Variants in SACS observed in about 807,000 individuals in gnomAD.
SACS encodes the protein sacsin molecular chaperone, also known as sacsin.
SACS carries 197 observed loss-of-function variants against 348.0 expected under a neutral mutation model. The ratio of observed to expected loss-of-function variants is 0.57; its 90% CI spans 0.50 to 0.64. SACS has a LOEUF of 0.64. Ranked by LOEUF, SACS falls within the 30% of genes least tolerant of loss-of-function variation. SACS has a pLI of 0.00. For synonymous variants in SACS, 1,985 were observed against 1,910.6 expected (o/e 1.04, Z -1.02); for missense variants, 4,999 against 5,360.8 (o/e 0.93, Z 2.11).
rs779302353 is a variant in SACS, at chr13:23,335,077, A to G, written c.8799T>C (p.Tyr2933=). 5.0e-6 allele frequency: 8 copies of G among 1,613,474 alleles called. No homozygotes were observed. The Admixed American group carries it at 5.0e-5, about 10-fold the overall frequency. Residue 2933 remains tyrosine, a synonymous_variant, in exon 10 of 10, where the codon TAT becomes TAC. Coordinates refer to ENST00000382292, the MANE Select transcript of SACS (RefSeq NM_014363.6). This position sits in a 1 kb window ranked among gnomAD's most constrained non-coding sequence, Gnocchi z 4.7. ...ATAATGTTGGATCAGAACCAGGGAA[A>G]TACCGTTTTTTTAACTGTATTAGCA... The part of the protein sequence containing the change: ...VELLIQLKKR[Y]FPGSDPTLSV...
At position 23,353,845 on chromosome 13, in the gene SACS, T is replaced by C. The variant is rs774647401; in HGVS notation, c.2125A>G (p.Ile709Val). 4.3e-6 allele frequency: 7 copies of C among 1,610,542 alleles called. No homozygotes were observed. In the East Asian group the frequency reaches 1.3e-4, roughly 31 times the overall value. ...SLFPSLEGRF[I>V]LDNLKPHLVA... is the part of the protein sequence containing the mutation. ...AGGTGAGGTTTCAAGTTATCCAAAATAAATCTTCCTTCAAGACTTGGGAAA... is the reference window on the plus strand; with the variant it reads ...AGGTGAGGTTTCAAGTTATCCAAAACAAATCTTCCTTCAAGACTTGGGAAA... Residue 709 changes from isoleucine (I) to valine (V), a missense_variant, in exon 9 of 10, where the codon ATT becomes GTT. By Grantham distance (29) the Ile-to-Val change is conservative. This residue lies in a region of SACS where 3,156 missense variants were observed against 3,380.1 expected (regional missense o/e 0.93). Transcript: ENST00000382292.
intron 9 of SACS, among the ~76,000 whole-genome samples, chr13:23,346,087 C>T (rs2137668176): frequency 6.6e-6 from 1 of 152,266 alleles, no homozygotes; most frequent in South Asian, 2.1e-4. Flanking sequence ...GCTGTGGTCG[C>T]CTAACTTCAC....
chr13:23,425,845 C>G (rs117201681), intron 1 of SACS, among the ~76,000 whole-genome samples: 244 of 152,204 alleles, frequency 1.6e-3, no homozygotes, highest in Admixed American at 2.5e-3. Flanking sequence ...CGCCGGGGGT[C>G]TGTGTGACAA....
At position 23,336,937 on chromosome 13, in the gene SACS, C is replaced by T. The variant is rs746279125; in HGVS notation, c.6939G>A (p.Glu2313=). 1.1e-5 allele frequency: 17 copies of T among 1,613,746 alleles called. No homozygotes were observed. Among genetic ancestry groups the T allele is most frequent in the Non-Finnish European group, 1.4e-5 (16 of 1,179,832 alleles). Residue 2313 remains glutamate, a synonymous_variant, in exon 10 of 10, where the codon GAG becomes GAA. Coordinates refer to ENST00000382292, the MANE Select transcript of SACS (RefSeq NM_014363.6). ...ATTTGTAGCAAGCATTGGTGATATT[C>T]TCCTGGTACAGTGTAATTCCATCAT... ...SVDDGITLYQ[E]NITNACYKYL...
intron 2 of SACS, among the ~76,000 whole-genome samples, chr13:23,410,612 G>T (rs560761555): frequency 3.3e-5 from 5 of 152,136 alleles, no homozygotes; most frequent in Non-Finnish European, 7.4e-5. Flanking sequence ...ATTAATGAAA[G>T]AGTATTTTGT....
chr13:23,391,688 C>T (rs940451631), intron 2 of SACS, among the ~76,000 whole-genome samples: 1 of 152,126 alleles, frequency 6.6e-6, no homozygotes, highest in South Asian at 2.1e-4. Context: ...GTTCCGTTTC[C>T]CCCTTTGCAC....
intron 2 of SACS, among the ~76,000 whole-genome samples, chr13:23,385,162 T>C (rs1283467138): frequency 4.6e-5 from 7 of 151,364 alleles, no homozygotes; most frequent in African/African-American, 1.5e-4. Flanking sequence ...AAAAGTTTTA[T>C]CATGAGATTG....
chr13:23,355,136 C>G lies in SACS; in HGVS notation c.1476G>C (p.Trp492Cys). ...CAACATTCATGACAAGAAACTCATT[C>G]CATAAGGCTGCCGGGTCTCTCCACT... ...LDQWRDPAAL[W>C]NEFLVMNVVP... The change falls in exon 8 of 10, where the codon TGG becomes TGC. Residue 492 changes from tryptophan (W) to cysteine (C), a missense_variant. By Grantham distance (215) the Trp-to-Cys change is radical. Around this residue, in one of 6 missense-constraint regions of SACS, gnomAD observed 3,156 missense variants for 3,380.1 expected, o/e 0.93. Transcript: ENST00000382292. 6.2e-7 allele frequency: 1 copy of G among 1,614,202 alleles called. No homozygotes were observed. The highest frequency in any genetic ancestry group is 8.5e-7 in the Non-Finnish European group (1 of 1,180,044).
rs1566086323 is a variant in SACS, at chr13:23,365,289, A to C, written c.346-12T>G. 6.8e-7 allele frequency: 1 copy of C among 1,460,254 alleles called. No homozygotes were observed. The highest frequency in any genetic ancestry group is 9.5e-7 in the Non-Finnish European group (1 of 1,053,814). The allele number at this position is 1,460,254 out of a possible 1,614,324, so 90.5% of individuals were successfully genotyped here. ...TTCTGAATTAATTCCTAACCAAAAA[A>C]TATACCAAAAAATAGTAATTAATAA... is the stretch of plus-strand genomic sequence containing the variant. On this transcript the variant is annotated splice_polypyrimidine_tract_variant and intron_variant, in intron 5 of 9. Transcript: ENST00000382292.
At chr13:23,430,447 G>A (rs1448574603) in intron 1 of SACS, among the ~76,000 whole-genome samples, 1 of 151,924 alleles carries the variant, frequency 6.6e-6, no homozygotes, top group South Asian at 2.1e-4. Context: ...GATAAACCAC[G>A]AATTATTTTT....
Position 23,423,403 on chromosome 13 carries a change from G to T in SACS, c.-502+10212C>A, listed in dbSNP as rs1593184526. 3.3e-5 allele frequency among the ~76,000 whole-genome samples: 5 copies of T among 152,142 alleles called. No homozygotes were observed. The East Asian group carries it at 9.7e-4, about 30-fold the overall frequency. ...TCCATAGGCTATTAGGCCTATGTATGAATATACAACTATCTATCACTAATA... is the reference window on the plus strand; with the variant it reads ...TCCATAGGCTATTAGGCCTATGTATTAATATACAACTATCTATCACTAATA... On this transcript the variant is annotated intron_variant, in intron 1 of 9. Coordinates refer to ENST00000382292, the MANE Select transcript of SACS (RefSeq NM_014363.6).
At chr13:23,383,128 A>C (rs1314270081) in intron 2 of SACS, among the ~76,000 whole-genome samples, 2 of 152,118 alleles carry the variant, frequency 1.3e-5, no homozygotes, top group East Asian at 3.8e-4. Context: ...TTTGGTTTAA[A>C]TAATCTGAAA....
At chr13:23,359,661 C>G (rs1386576746) in intron 6 of SACS, among the ~76,000 whole-genome samples, 1 of 152,118 alleles carries the variant, frequency 6.6e-6, no homozygotes, top group East Asian at 1.9e-4. Flanking sequence ...ATATATTCAA[C>G]TATATTCACT....
chr13:23,395,567 C>T (rs1872682895), intron 2 of SACS, among the ~76,000 whole-genome samples: 3 of 151,610 alleles, frequency 2.0e-5, no homozygotes, highest in Admixed American at 2.0e-4. Flanking sequence ...ACTTTCCCTT[C>T]CCACTCAAGC....
rs569192459 is a variant in SACS at position 23,392,985 on chromosome 13, C to T, written c.21-17716G>A. 7.9e-5 allele frequency among the ~76,000 whole-genome samples: 12 copies of T among 152,232 alleles called. 1 individual carries two copies. The South Asian group carries it at 1.0e-3, about 13-fold the overall frequency. On this transcript the variant is annotated intron_variant, in intron 2 of 9. Transcript: ENST00000382292. ...CAGAAAACACAATAAGCACAGACATCGGGAGAGGCCATTCACCAACCCTCA... is the reference window on the plus strand; with the variant it reads ...CAGAAAACACAATAAGCACAGACATTGGGAGAGGCCATTCACCAACCCTCA...
intron 2 of SACS, among the ~76,000 whole-genome samples, chr13:23,383,802 C>T (rs1215924185): frequency 2.0e-5 from 3 of 152,204 alleles, no homozygotes; most frequent in African/African-American, 7.2e-5. Context: ...TTCCATATTA[C>T]ACAAACCACA....
At chr13:23,373,559 T>G (rs566857459) in intron 3 of SACS, 21 of 152,664 alleles carry the variant, frequency 1.4e-4, no homozygotes, top group African/African-American at 5.1e-4. Context: ...AGGCGGATCA[T>G]GAGGTCGAGA....
Position 23,336,613 on chromosome 13 carries a change from A to G in SACS, c.7263T>C (p.Phe2421=). 1 of 1,613,756 alleles carries G rather than the reference A, an allele frequency of 6.2e-7. No homozygotes were observed. Among genetic ancestry groups the G allele is most frequent in the Non-Finnish European group, 8.5e-7 (1 of 1,179,808 alleles). The change falls in exon 10 of 10, where the codon TTT becomes TTC. Residue 2421 remains phenylalanine (F), a synonymous_variant. Coordinates refer to ENST00000382292, the MANE Select transcript of SACS (RefSeq NM_014363.6). Reference sequence around the variant, plus strand: ...CACTGATTATTCGTCGGCAAAGCTGAAAATTCTCTTCTGTTATTTGCTTTG... The same window carrying G: ...CACTGATTATTCGTCGGCAAAGCTGGAAATTCTCTTCTGTTATTTGCTTTG... The part of the protein sequence containing the change: ...RGTKQITEEN[F]QLCRRIISEG...
At chr13:23,419,195 G>C (rs1028190575) in intron 1 of SACS, 1 of 152,380 alleles carries the variant, frequency 6.6e-6, no homozygotes, top group Non-Finnish European at 1.5e-5. Context: ...GTCATGGGCG[G>C]ACAGGCACGG....
Sources: allele counts gnomAD v4.1 joint callset (sites outside exome capture counted in the v4.1 genomes callset), GRCh38; gene constraint gnomAD v4.1.1; regional missense constraint gnomAD v4.1.1; non-coding constraint Gnocchi (gnomAD v3.1); transcripts MANE v1.5; gene names NCBI Gene and HGNC (gene_info 2026-07-23, HGNC 2026-07-21).